Variants in PCDHGA2 observed in about 807,000 individuals in gnomAD.
PCDHGA2 encodes protocadherin gamma-A2.
A neutral mutation model predicts 59.2 loss-of-function variants in PCDHGA2; 40 were observed. The ratio of observed to expected loss-of-function variants is 0.68; its 90% confidence interval spans 0.52 to 0.88. The LOEUF (loss-of-function observed/expected upper bound fraction) is 0.88. PCDHGA2 is among the 40% of genes least tolerant of loss of function. The pLI, the probability that PCDHGA2 is intolerant of heterozygous loss-of-function variation, is 0.00. For synonymous variants in PCDHGA2, 560 were observed against 526.0 expected (o/e 1.06, Z -0.89); for missense variants, 1,226 against 1,204.0 (o/e 1.02, Z -0.27).
At position 141,485,930 on chromosome 5, in the gene PCDHGA2, G is replaced by C; in HGVS notation, c.2425-8877G>C. ...ATCCAGCTACAGGATTAGTGTGTTGGAGAGCGCACCAGCGGGCATGGTGCT... is the reference window on the plus strand; with the variant it reads ...ATCCAGCTACAGGATTAGTGTGTTGCAGAGCGCACCAGCGGGCATGGTGCT... On this transcript the variant is annotated intron_variant, in intron 1 of 3. Coordinates refer to ENST00000394576, the MANE Select transcript of PCDHGA2 (RefSeq NM_018915.4). The surrounding 1 kb of genome is among the most constrained non-coding windows in gnomAD (Gnocchi z 5.7). 6.2e-7 allele frequency: 1 copy of C among 1,614,178 alleles called. No homozygotes were observed. The highest frequency in any genetic ancestry group is 8.5e-7 in the Non-Finnish European group (1 of 1,180,042).
At chr5:141,410,235 G>T (rs753193390) in intron 1 of PCDHGA2, 1 of 1,613,852 alleles carries the variant, frequency 6.2e-7, no homozygotes, top group Non-Finnish European at 8.5e-7. Context: ...CTCAGCGACC[G>T]CCCTGTACTC....
At chr5:141,508,033 C>A (rs1596123382) in intron 3 of PCDHGA2, 1 of 152,290 alleles carries the variant, frequency 6.6e-6, no homozygotes, top group Non-Finnish European at 1.5e-5. Flanking sequence ...GTTTGCAGCT[C>A]AGCCAGCTGT....
rs1055747392 is a variant in PCDHGA2 at position 141,490,298 on chromosome 5, C to G, written c.2425-4509C>G. 6.2e-7 allele frequency: 1 copy of G among 1,614,178 alleles called. No individual in the cohort carries two copies. The highest frequency in any genetic ancestry group is 1.3e-5 in the African/African-American group (1 of 75,036). On this transcript the variant is annotated intron_variant, in intron 1 of 3. Transcript: ENST00000394576. The surrounding 1 kb of genome is among the most constrained non-coding windows in gnomAD (Gnocchi z 5.4). ...GACAATGCCCCAGAGGTGCTATTGG[C>G]CTCTTTGGCCAACCCTGTCCTAGAG...
In PCDHGA2 at chr5:141,489,327, G is replaced by A; in HGVS notation, c.2425-5480G>A. The A allele has an allele frequency of 6.2e-7, 1 of 1,603,940 alleles. No individual in the cohort carries two copies. Among genetic ancestry groups the A allele is most frequent in the South Asian group, 1.1e-5 (1 of 89,400 alleles). ...TGTGCTGCTGGGGCTGGGTGTCTGG[G>A]CAGCTTCGTTACTCAGTGGTGGAGG... is the stretch of plus-strand genomic sequence containing the variant. On this transcript the variant is annotated intron_variant, in intron 1 of 3. Transcript: ENST00000394576. This position sits in a 1 kb window ranked among gnomAD's most constrained non-coding sequence, Gnocchi z 4.5.
Position 141,489,322 on chromosome 5 carries a change from T to G in PCDHGA2, c.2425-5485T>G. 1.9e-6 allele frequency: 3 copies of G among 1,601,052 alleles called. No homozygotes were observed. The highest frequency in any genetic ancestry group is 2.2e-5 in the East Asian group (1 of 44,726). On this transcript the variant is annotated intron_variant, in intron 1 of 3. Transcript: ENST00000394576. This position sits in a 1 kb window ranked among gnomAD's most constrained non-coding sequence, Gnocchi z 4.5. The stretch of plus-strand genomic sequence containing the variant: ...GTCCTTGTGCTGCTGGGGCTGGGTG[T>G]CTGGGCAGCTTCGTTACTCAGTGGT...
chr5:141,349,884 T>G (rs1226395696), intron 1 of PCDHGA2, among the ~76,000 whole-genome samples: 1 of 152,194 alleles, frequency 6.6e-6, no homozygotes, highest in Non-Finnish European at 1.5e-5. Flanking sequence ...GGCCCTTATC[T>G]GATGATGACA....
chr5:141,468,230 TAGG>T (rs1451844939), intron 1 of PCDHGA2, among the ~76,000 whole-genome samples: 9 of 141,220 alleles, frequency 6.4e-5, no homozygotes, highest in South Asian at 2.2e-4. Context: ...GAGGATGAGG[TAGG>T]AGAATTGCCT....
At chr5:141,482,957 C>A (rs2099575063) in intron 1 of PCDHGA2, among the ~76,000 whole-genome samples, 2 of 57,944 alleles carry the variant, frequency 3.5e-5, no homozygotes, top group Admixed American at 1.5e-4. Context: ...CCTGTAATTC[C>A]AGCTACTTGA....
chr5:141,356,569 T>C, intron 1 of PCDHGA2: 1 of 1,614,170 alleles, frequency 6.2e-7, no homozygotes, highest in Non-Finnish European at 8.5e-7. Flanking sequence ...TCATGCTTCC[T>C]ACTCTGCTTA....
At chr5:141,414,489 G>C (rs754325517) in intron 1 of PCDHGA2, 2 of 1,613,872 alleles carry the variant, frequency 1.2e-6, no homozygotes, top group South Asian at 2.2e-5. Context: ...CTCTATCAAC[G>C]GAAGCTCACT....
At chr5:141,449,369 G>A (rs561017816) in intron 1 of PCDHGA2, among the ~76,000 whole-genome samples, 4 of 152,068 alleles carry the variant, frequency 2.6e-5, no homozygotes, top group South Asian at 4.2e-4. Flanking sequence ...CACTTTGGGA[G>A]GCTGAGGCAG....
At chr5:141,357,153 G>A in intron 1 of PCDHGA2, 2 of 1,613,624 alleles carry the variant, frequency 1.2e-6, no homozygotes, top group South Asian at 1.1e-5. Flanking sequence ...ACCATGGCCA[G>A]CCCCCTCTCT....
intron 1 of PCDHGA2, chr5:141,360,586 A>G (rs1761662791): frequency 6.2e-7 from 1 of 1,613,974 alleles, no homozygotes; most frequent in Admixed American, 1.7e-5. Flanking sequence ...GCCAGGTACA[A>G]CATTTCCACT....
intron 1 of PCDHGA2, chr5:141,393,973 G>T (rs776954838): frequency 4.3e-6 from 7 of 1,613,668 alleles, no homozygotes; most frequent in Non-Finnish European, 5.1e-6. Context: ...TGTTACACAC[G>T]TGATAATTTA....
chr5:141,444,240 C>A (rs1017550385), intron 1 of PCDHGA2, among the ~76,000 whole-genome samples: 1 of 128,688 alleles, frequency 7.8e-6, no homozygotes, highest in Admixed American at 9.7e-5. Flanking sequence ...GGCATGCTCT[C>A]GGCTCACTGC....
At chr5:141,448,449 T>C (rs528049717) in intron 1 of PCDHGA2, among the ~76,000 whole-genome samples, 1 of 152,284 alleles carries the variant, frequency 6.6e-6, no homozygotes, top group South Asian at 2.1e-4. Context: ...CTGACTTCCA[T>C]CCCTATCCTA....
chr5:141,347,046 TCTTTCCTCCTTCCTTCCTTCCTTCCTC>T (rs1561493119), intron 1 of PCDHGA2, among the ~76,000 whole-genome samples: 17 of 150,478 alleles, frequency 1.1e-4, no homozygotes, highest in Admixed American at 1.1e-3. Context: ...TTCCTCTCTC[TCTTTCCTCCTTCCTTCCTTCCTTCCTC>T]TCTCTCTTTC....
Position 141,432,075 on chromosome 5 carries a change from C to T in PCDHGA2, c.2425-62732C>T. On this transcript the variant is annotated intron_variant, in intron 1 of 3. Transcript: ENST00000394576. The surrounding 1 kb of genome is among the most constrained non-coding windows in gnomAD (Gnocchi z 6.0). ...CCCCTATCCACGGAAACTCATATCT[C>T]GCTGAACGTGGCAGACACCAACGAC... 3 of 1,614,204 alleles carry T rather than the reference C, an allele frequency of 1.9e-6. No homozygotes were observed. Among genetic ancestry groups the T allele is most frequent in the Non-Finnish European group, 2.5e-6 (3 of 1,180,046 alleles).
intron 1 of PCDHGA2, chr5:141,366,161 G>A: frequency 6.2e-7 from 1 of 1,614,092 alleles, no homozygotes; most frequent in Non-Finnish European, 8.5e-7. Context: ...CCTGCTTAAG[G>A]CCAGCGAGCC....
Sources: allele counts gnomAD v4.1 joint callset (sites outside exome capture counted in the v4.1 genomes callset), GRCh38; gene constraint gnomAD v4.1.1; non-coding constraint Gnocchi (gnomAD v3.1); transcripts MANE v1.5; gene names NCBI Gene and HGNC (gene_info 2026-07-23, HGNC 2026-07-21).